Variants in SMC6 observed in about 807,000 individuals in gnomAD.
The protein encoded by SMC6 is structural maintenance of chromosomes 6.
Under a neutral mutation model 142.2 loss-of-function variants are expected in SMC6, and 79 were observed. The ratio of observed to expected loss-of-function variants is 0.56; its 90% CI spans 0.46 to 0.67. The LOEUF (loss-of-function observed/expected upper bound fraction) is 0.67, where lower values mean the gene tolerates loss of function less well. SMC6 is among the 30% of genes least tolerant of loss of function. SMC6 has a pLI of 0.00. For missense variants in SMC6, 1,072 were observed against 1,284.0 expected, an observed-to-expected ratio of 0.83 and a Z score of 2.52; for synonymous variants, 411 against 412.4, an observed-to-expected ratio of 1.00 and a Z score of 0.04.
chr2:17,723,539 T>G (rs1669475536), intron 9 of SMC6, among the ~76,000 whole-genome samples: 1 of 152,170 alleles, frequency 6.6e-6, no homozygotes, highest in South Asian at 2.1e-4. Flanking sequence ...CTTCCTTGCT[T>G]TCACCATCCT....
chr2:17,743,491 T>C (rs1374237864), intron 3 of SMC6, among the ~76,000 whole-genome samples: 3 of 152,158 alleles, frequency 2.0e-5, no homozygotes, highest in Non-Finnish European at 2.9e-5. Flanking sequence ...AAAAATATCC[T>C]ATATACCCCC....
At position 17,708,677 on chromosome 2, in the gene SMC6, T is replaced by C. The variant is rs1219721706; in HGVS notation, c.1807A>G (p.Ile603Val). The C allele has an allele frequency of 1.3e-6, 2 of 1,542,160 alleles. No homozygotes were observed. Among genetic ancestry groups the C allele is most frequent in the Non-Finnish European group, 1.8e-6 (2 of 1,141,666 alleles). ...IDNAVVANSL[I>V]DMRGIETVLL... ...ACTGTCTCTATGCCTCTCATGTCAA[T>C]TAGGCTATTTGCCACAACCGCATTA... is the stretch of plus-strand genomic sequence containing the variant. The change falls in exon 17 of 28, where the codon ATT becomes GTT. Residue 603 changes from isoleucine (I) to valine (V), a missense_variant. Transcript: ENST00000448223.
intron 16 of SMC6, among the ~76,000 whole-genome samples, chr2:17,709,878 G>A (rs1239338565): frequency 5.9e-5 from 9 of 152,244 alleles, no homozygotes; most frequent in East Asian, 3.9e-4. Context: ...AAGAGCAATC[G>A]CAAAGACCCT....
At chr2:17,740,751 GA>G (rs879080686) in intron 4 of SMC6, 1 of 440,448 alleles carries the variant, frequency 2.3e-6, no homozygotes, top group Non-Finnish European at 4.5e-6. Context: ...TCACAAGGCT[GA>G]AACAGGAGAA....
chr2:17,734,360 A>G (rs1670045827), intron 5 of SMC6, among the ~76,000 whole-genome samples: 1 of 152,206 alleles, frequency 6.6e-6, no homozygotes, highest in Non-Finnish European at 1.5e-5. Flanking sequence ...AATATTACCT[A>G]ATTAAGACAG....
chr2:17,696,666 T>C (rs187089940), intron 21 of SMC6, among the ~76,000 whole-genome samples: 104 of 152,292 alleles, frequency 6.8e-4, no homozygotes, highest in Non-Finnish European at 2.9e-5. Context: ...TCTAATAAAC[T>C]AGGTGTTTTT....
At chr2:17,700,932 G>A (rs1668240321) in intron 20 of SMC6, among the ~76,000 whole-genome samples, 1 of 151,886 alleles carries the variant, frequency 6.6e-6, no homozygotes, top group Non-Finnish European at 1.5e-5. Context: ...TTGGGAGGTT[G>A]AGGCAGGAGA....
intron 2 of SMC6, among the ~76,000 whole-genome samples, chr2:17,747,004 G>A (rs1423764442): frequency 6.6e-6 from 1 of 152,086 alleles, no homozygotes; most frequent in East Asian, 1.9e-4. Flanking sequence ...AATCCAAGTG[G>A]GTAGTCTGGA....
At chr2:17,683,839 T>G in intron 23 of SMC6, 76 bp from the exon 24 acceptor site, 1 of 1,376,130 alleles carries the variant, frequency 7.3e-7, no homozygotes, top group South Asian at 1.2e-5. Flanking sequence ...CAAACAGATT[T>G]AACTGGGAAG....
chr2:17,675,489 T>C (rs1666957439), intron 25 of SMC6, among the ~76,000 whole-genome samples: 1 of 152,104 alleles, frequency 6.6e-6, no homozygotes, highest in Admixed American at 6.5e-5. Flanking sequence ...TGACCATTTT[T>C]CTTTCATCTG....
At chr2:17,708,824 G>GTGTATA (rs1553314679) in intron 16 of SMC6, 71 bp from the exon 17 acceptor site, 57 of 383,534 alleles carry the variant, frequency 1.5e-4, no homozygotes, top group Non-Finnish European at 1.4e-4. Flanking sequence ...TGAAAATTGT[G>GTGTATA]TATATATATA....
chr2:17,718,368 A>C, intron 11 of SMC6, 145 bp from the exon 12 acceptor site: 2 of 477,074 alleles, frequency 4.2e-6, no homozygotes, highest in Admixed American at 8.1e-5. Context: ...CATTATATAA[A>C]ATACTATAAT....
At position 17,714,916 on chromosome 2, in the gene SMC6, G is replaced by T. The variant is rs771792730; in HGVS notation, c.1675C>A (p.Arg559=). The part of the protein sequence containing the change: ...MKRFYLPGTS[R]PPIIVSEFRN... ...AACTCAGAAACTATTATCGGTGGCC[G>T]TGAGGTCCCTGGTAAATAAAACCTT... Residue 559 remains arginine (R), a synonymous_variant, in exon 16 of 28, where the codon CGG becomes AGG. Coordinates refer to ENST00000448223, the MANE Select transcript of SMC6 (RefSeq NM_001142286.2). 6.2e-7 allele frequency: 1 copy of T among 1,613,360 alleles called. No homozygotes were observed. The highest frequency in any genetic ancestry group is 8.5e-7 in the Non-Finnish European group (1 of 1,179,768).
At chr2:17,720,309 T>C (rs947672385) in intron 11 of SMC6, among the ~76,000 whole-genome samples, 14 of 152,212 alleles carry the variant, frequency 9.2e-5, no homozygotes, top group African/African-American at 3.4e-4. Context: ...TCAACTTCTG[T>C]AACCTCTAGG....
At chr2:17,738,469 GC>G (rs1182186695) in intron 4 of SMC6, 143 bp from the exon 5 acceptor site, 2 of 515,654 alleles carry the variant, frequency 3.9e-6, no homozygotes, top group African/African-American at 3.9e-5. Flanking sequence ...TTCTTCCCGT[GC>G]AAAGCAACAA....
intron 4 of SMC6, chr2:17,740,774 T>G (rs79187486): frequency 2.3e-6 from 1 of 429,096 alleles, no homozygotes; most frequent in African/African-American, 2.1e-5. Context: ...CGCTTGAACC[T>G]GGGAGGCAGA....
intron 2 of SMC6, among the ~76,000 whole-genome samples, chr2:17,750,479 C>T (rs1249982245): frequency 6.6e-6 from 1 of 152,176 alleles, no homozygotes; most frequent in Non-Finnish European, 1.5e-5. Flanking sequence ...AAGTAAATGA[C>T]TTGAATTTAT....
intron 9 of SMC6, among the ~76,000 whole-genome samples, chr2:17,722,874 T>C (rs1225961911): frequency 1.3e-5 from 2 of 152,142 alleles, no homozygotes; most frequent in Non-Finnish European, 2.9e-5. Flanking sequence ...CAAATTTTTA[T>C]TGAGACCAGA....
intron 2 of SMC6, among the ~76,000 whole-genome samples, chr2:17,747,507 CT>C (rs11303424): frequency 0.76 from 80,333 of 105,772 alleles, 28,489 homozygotes; most frequent in South Asian, 0.86. Context: ...CTTTTTCTTT[CT>C]TTTTTTTTTT....
Sources: allele counts gnomAD v4.1 joint callset (sites outside exome capture counted in the v4.1 genomes callset), GRCh38; gene constraint gnomAD v4.1.1; transcripts MANE v1.5; gene names NCBI Gene and HGNC (gene_info 2026-07-23, HGNC 2026-07-21).